The following ZMIZ1 variants were observed in gnomAD, a reference collection of about 807,000 sequenced individuals.
The protein encoded by ZMIZ1 is zinc finger MIZ domain-containing protein 1.
A neutral mutation model predicts 113.9 loss-of-function variants in ZMIZ1; 17 were observed. The ratio of observed to expected loss-of-function variants is 0.15; its 90% CI spans 0.10 to 0.22. The LOEUF is 0.22. Among genes scored for constraint, ZMIZ1 ranks in the 10% least tolerant of loss-of-function variants. The pLI is 1.00. For synonymous variants in ZMIZ1, 607 were observed against 603.1 expected (o/e 1.01, Z -0.09); for missense variants, 1,059 against 1,477.8 (o/e 0.72, Z 4.65).
intron 23 of ZMIZ1, among the ~76,000 whole-genome samples, 176 bp from the exon 24 acceptor site, chr10:79,310,748 G>T (rs1855088483): frequency 6.6e-6 from 1 of 152,068 alleles, no homozygotes; most frequent in Admixed American, 6.5e-5. Context: ...GGGCGGTTTT[G>T]GGGGAGAAAT....
intron 19 of ZMIZ1, among the ~76,000 whole-genome samples, chr10:79,304,814 C>T (rs562696636): frequency 1.6e-4 from 24 of 152,250 alleles, no homozygotes; most frequent in African/African-American, 7.2e-5. Context: ...GACTTGTCTT[C>T]GGTGCCTGGG....
intron 22 of ZMIZ1, 65 bp downstream of exon 22, chr10:79,306,409 G>A (rs1166597316): frequency 3.2e-6 from 5 of 1,576,240 alleles, no homozygotes; most frequent in Admixed American, 1.7e-5. Context: ...CAGAGGCACA[G>A]AATTTCTGTG....
chr10:79,184,452 C>A (rs1847264241), intron 4 of ZMIZ1, among the ~76,000 whole-genome samples: 1 of 152,098 alleles, frequency 6.6e-6, no homozygotes, highest in Non-Finnish European at 1.5e-5. Context: ...TTGTGCCTGC[C>A]CCACCTGGCA....
At chr10:79,168,020 C>T (rs1846429852) in intron 4 of ZMIZ1, among the ~76,000 whole-genome samples, 1 of 152,164 alleles carries the variant, frequency 6.6e-6, no homozygotes, top group South Asian at 2.1e-4. Context: ...AGAGAGTTCT[C>T]CCAAAGTGGG....
At chr10:79,303,918 G>C in intron 18 of ZMIZ1, 97 bp from the exon 19 acceptor site, 1 of 1,515,010 alleles carries the variant, frequency 6.6e-7, no homozygotes. Flanking sequence ...ACCAGGACAT[G>C]CCCCAGCTGC....
chr10:79,235,695 C>G (rs1849561301), intron 7 of ZMIZ1, among the ~76,000 whole-genome samples: 1 of 152,064 alleles, frequency 6.6e-6, no homozygotes, highest in Non-Finnish European at 1.5e-5. Context: ...CCCTGACCTC[C>G]CTGTGAGCAG....
At chr10:79,131,158 A>T (rs1489987863) in intron 2 of ZMIZ1, among the ~76,000 whole-genome samples, 9 of 152,128 alleles carry the variant, frequency 5.9e-5, no homozygotes, top group Admixed American at 5.2e-4. Context: ...GCCTAATAAG[A>T]ATTTGTTGGG....
intron 1 of ZMIZ1, among the ~76,000 whole-genome samples, chr10:79,074,590 C>G (rs1487275209): frequency 6.6e-6 from 1 of 152,238 alleles, no homozygotes; most frequent in African/African-American, 2.4e-5. Flanking sequence ...TCCAGCCCCC[C>G]GGGTCCCCAT....
chr10:79,217,037 G>A (rs1462936872), intron 7 of ZMIZ1, among the ~76,000 whole-genome samples: 2 of 152,254 alleles, frequency 1.3e-5, no homozygotes, highest in Admixed American at 1.3e-4. Flanking sequence ...CACTTGCTAA[G>A]TGTGTGGTCT....
chr10:79,189,345 C>A (rs1847499330), intron 4 of ZMIZ1, among the ~76,000 whole-genome samples: 1 of 152,162 alleles, frequency 6.6e-6, no homozygotes, highest in South Asian at 2.1e-4. Flanking sequence ...CACGCAGGCA[C>A]CCAAGTCTCT....
intron 1 of ZMIZ1, among the ~76,000 whole-genome samples, chr10:79,080,977 C>T (rs1263380541): frequency 1.3e-5 from 2 of 152,094 alleles, no homozygotes; most frequent in Non-Finnish European, 2.9e-5. Context: ...CCTTGGCGCC[C>T]ATCTCATCTG....
At chr10:79,196,015 G>T (rs1406153955) in intron 4 of ZMIZ1, among the ~76,000 whole-genome samples, 1 of 152,130 alleles carries the variant, frequency 6.6e-6, no homozygotes, top group Non-Finnish European at 1.5e-5. Flanking sequence ...TCTCTTGCAT[G>T]CCTCCCTCAG....
intron 1 of ZMIZ1, among the ~76,000 whole-genome samples, chr10:79,095,507 T>C (rs1364233555): frequency 6.6e-6 from 1 of 152,214 alleles, no homozygotes; most frequent in African/African-American, 2.4e-5. Context: ...CACCTGGCCA[T>C]GCGGCCTTTC....
chr10:79,073,898 G>A (rs1221940291), intron 1 of ZMIZ1, among the ~76,000 whole-genome samples: 3 of 152,168 alleles, frequency 2.0e-5, no homozygotes, highest in Non-Finnish European at 4.4e-5. Context: ...GATAAAGACT[G>A]TGTCCTGGGA....
At chr10:79,215,365 T>A (rs1176104839) in intron 6 of ZMIZ1, among the ~76,000 whole-genome samples, 2 of 151,412 alleles carry the variant, frequency 1.3e-5, no homozygotes, top group East Asian at 3.9e-4. Context: ...AGTGGTGCGA[T>A]CTAGGCCCAC....
chr10:79,179,812 G>A (rs1456678845), intron 4 of ZMIZ1, among the ~76,000 whole-genome samples: 1 of 152,264 alleles, frequency 6.6e-6, no homozygotes, highest in East Asian at 1.9e-4. Flanking sequence ...AGGCCCACAA[G>A]GGGGCAGAGG....
At chr10:79,168,322 A>G (rs970654838) in intron 4 of ZMIZ1, among the ~76,000 whole-genome samples, 3 of 152,170 alleles carry the variant, frequency 2.0e-5, no homozygotes, top group African/African-American at 7.2e-5. Flanking sequence ...GTTTGAGTGT[A>G]CTGAGCCAAC....
intron 23 of ZMIZ1, among the ~76,000 whole-genome samples, chr10:79,308,486 G>A (rs1589616924): frequency 6.6e-6 from 1 of 152,302 alleles, no homozygotes. Flanking sequence ...CAGCCAGGGA[G>A]AGGGCCCGGG....
intron 14 of ZMIZ1, 62 bp downstream of exon 14, chr10:79,297,752 C>G: frequency 1.4e-6 from 2 of 1,455,684 alleles, no homozygotes; most frequent in East Asian, 4.6e-5. Context: ...TAAAGGTTCT[C>G]ACTGTTCCTG....
Sources: allele counts gnomAD v4.1 joint callset (sites outside exome capture counted in the v4.1 genomes callset), GRCh38; gene constraint gnomAD v4.1.1; transcripts MANE v1.5; gene names NCBI Gene and HGNC (gene_info 2026-07-23, HGNC 2026-07-21).